The following ENTREP2 variants were observed in gnomAD, a reference collection of about 807,000 sequenced individuals.
ENTREP2 encodes the protein endosomal transmembrane epsin interactor 2, also known as protein ENTREP2.
chr15:29,585,935 T>C, the ENTREP2 span, among the ~76,000 whole-genome samples: 1 of 151,784 alleles, frequency 6.6e-6, no homozygotes, highest in South Asian at 2.1e-4. Context: ...TAAACTTTGA[T>C]TTACCATATG....
chr15:29,416,059 T>C, the ENTREP2 span, among the ~76,000 whole-genome samples: 1 of 152,084 alleles, frequency 6.6e-6, no homozygotes, highest in African/African-American at 2.4e-5. Flanking sequence ...ATCGTGAAAA[T>C]GGCCATAATG....
the ENTREP2 span, among the ~76,000 whole-genome samples, chr15:29,143,308 T>C: frequency 3.3e-5 from 5 of 152,240 alleles, no homozygotes; most frequent in Non-Finnish European, 7.4e-5. Flanking sequence ...TGATCAATTG[T>C]GTAAGTTGTC....
chr15:29,456,921 G>A, the ENTREP2 span, among the ~76,000 whole-genome samples: 2 of 151,998 alleles, frequency 1.3e-5, no homozygotes, highest in Non-Finnish European at 2.9e-5. Flanking sequence ...GCTGATGAAG[G>A]CATAGGGGCC....
At chr15:29,135,198 G>GT in the ENTREP2 span, among the ~76,000 whole-genome samples, 1 of 150,300 alleles carries the variant, frequency 6.7e-6, no homozygotes, top group Non-Finnish European at 1.5e-5. The surrounding 1 kb of genome is among the most constrained non-coding windows in gnomAD (Gnocchi z 7.4). Flanking sequence ...CCCCAGCCAT[G>GT]CCCCAGTCCC....
chr15:29,300,566 A>G, the ENTREP2 span, among the ~76,000 whole-genome samples: 2 of 152,300 alleles, frequency 1.3e-5, no homozygotes, highest in South Asian at 4.1e-4. Flanking sequence ...AATTACCAAG[A>G]TTTATTATGA....
the ENTREP2 span, among the ~76,000 whole-genome samples, chr15:29,651,530 C>T: frequency 6.6e-6 from 1 of 152,202 alleles, no homozygotes; most frequent in Non-Finnish European, 1.5e-5. Flanking sequence ...AGCTGCCCTC[C>T]CAGGCGCAAG....
chr15:29,228,441 G>A, the ENTREP2 span, among the ~76,000 whole-genome samples: 46 of 152,288 alleles, frequency 3.0e-4, no homozygotes, highest in Non-Finnish European at 5.9e-4. Context: ...CAGGGGCTGG[G>A]GAAGCAGAGA....
At chr15:29,404,518 T>G in the ENTREP2 span, among the ~76,000 whole-genome samples, 1 of 151,994 alleles carries the variant, frequency 6.6e-6, no homozygotes, top group Non-Finnish European at 1.5e-5. Context: ...TACTCCTGCT[T>G]TGCAGAAGGA....
the ENTREP2 span, among the ~76,000 whole-genome samples, chr15:29,180,539 C>T: frequency 6.6e-6 from 1 of 152,086 alleles, no homozygotes; most frequent in East Asian, 1.9e-4. Context: ...TGGCACACGG[C>T]TGTGATCCCA....
At chr15:29,529,373 T>G in the ENTREP2 span, among the ~76,000 whole-genome samples, 8 of 151,762 alleles carry the variant, frequency 5.3e-5, no homozygotes, top group Non-Finnish European at 1.5e-5. Context: ...TTGGTGCCAT[T>G]GGTGAGGCAG....
At chr15:29,632,688 AG>A in the ENTREP2 span, among the ~76,000 whole-genome samples, 1 of 152,166 alleles carries the variant, frequency 6.6e-6, no homozygotes, top group African/African-American at 2.4e-5. Context: ...ACAAGGCTGA[AG>A]CAGGGAGAAT....
chr15:29,227,725 G>T, the ENTREP2 span, among the ~76,000 whole-genome samples: 1 of 152,162 alleles, frequency 6.6e-6, no homozygotes, highest in Non-Finnish European at 1.5e-5. Context: ...AGTTAATCCT[G>T]GGGAGACTGT....
chr15:29,525,040 T>C, the ENTREP2 span, among the ~76,000 whole-genome samples: 1 of 152,224 alleles, frequency 6.6e-6, no homozygotes, highest in African/African-American at 2.4e-5. Flanking sequence ...ACCTGATTGG[T>C]TGGGTGTGAG....
At chr15:29,252,573 C>A in the ENTREP2 span, 7 of 634,810 alleles carry the variant, frequency 1.1e-5, no homozygotes, top group Non-Finnish European at 1.9e-5. Flanking sequence ...TATTATACAA[C>A]AGTTGATCAC....
At chr15:29,253,841 T>C in the ENTREP2 span, among the ~76,000 whole-genome samples, 2 of 152,144 alleles carry the variant, frequency 1.3e-5, no homozygotes, top group African/African-American at 2.4e-5. Context: ...CACTCTGTCA[T>C]TTTTTCTTTA....
chr15:29,483,924 T>C, the ENTREP2 span, among the ~76,000 whole-genome samples: 1 of 152,162 alleles, frequency 6.6e-6, no homozygotes, highest in Non-Finnish European at 1.5e-5. Context: ...TCAGCTGTTA[T>C]AAAATCTGCA....
At chr15:29,397,370 G>A in the ENTREP2 span, among the ~76,000 whole-genome samples, 88 of 151,982 alleles carry the variant, frequency 5.8e-4, no homozygotes, top group Non-Finnish European at 9.6e-4. Context: ...CAGCCTGGGC[G>A]ACAGAGTGAG....
the ENTREP2 span, among the ~76,000 whole-genome samples, chr15:29,282,327 T>A: frequency 6.6e-6 from 1 of 152,210 alleles, no homozygotes; most frequent in Admixed American, 6.5e-5. Context: ...AGACGTGCCC[T>A]TTGCCTTCTG....
the ENTREP2 span, among the ~76,000 whole-genome samples, chr15:29,426,991 C>T: frequency 6.6e-6 from 1 of 152,048 alleles, no homozygotes; most frequent in Non-Finnish European, 1.5e-5. Context: ...TGAGAGAAGG[C>T]CAAAGAAAAC....
Sources: gnomAD v4.1 joint callset for allele counts (sites outside exome capture counted in the v4.1 genomes callset) on GRCh38, gnomAD v4.1.1 for gene constraint, Gnocchi (gnomAD v3.1) non-coding constraint, MANE v1.5 for transcripts, NCBI Gene and HGNC (gene_info 2026-07-23, HGNC 2026-07-21) for gene names.